SLC30A4: variants seen among roughly 807,000 people sequenced by gnomAD.
The protein encoded by SLC30A4 is solute carrier family 30 member 4.
SLC30A4 carries 20 observed loss-of-function variants against 41.7 expected under a neutral mutation model. The ratio of observed to expected loss-of-function variants is 0.48; its 90% CI spans 0.34 to 0.70. The LOEUF is 0.70. Ranked by LOEUF, SLC30A4 falls within the 30% of genes least tolerant of loss-of-function variation. SLC30A4 has a pLI of 0.01. For missense variants in SLC30A4, 441 were observed against 529.3 expected (o/e 0.83, Z 1.64); for synonymous variants, 181 against 195.9 (o/e 0.92, Z 0.64).
chr15:45,518,192 T>C (rs1892549068), intron 2 of SLC30A4, among the ~76,000 whole-genome samples: 1 of 152,212 alleles, frequency 6.6e-6, no homozygotes, highest in African/African-American at 2.4e-5. Flanking sequence ...CTCACTCTGT[T>C]TGGGTAACTC....
chr15:45,487,992 TG>T (rs1891741160), intron 5 of SLC30A4, among the ~76,000 whole-genome samples: 1 of 143,956 alleles, frequency 6.9e-6, no homozygotes, highest in Non-Finnish European at 1.5e-5. Context: ...TGTGTGTGTG[TG>T]TGTGTGTGTT....
rs1891579584 is a variant in SLC30A4, at chr15:45,479,857, A to G, written c.*5306T>C. 6.6e-6 allele frequency: 1 copy of G among 151,778 alleles called. No individual in the cohort carries two copies. The highest frequency in any genetic ancestry group is 2.1e-4 in the South Asian group (1 of 4,830). 9.4% of individuals were successfully genotyped at this position (151,778 alleles called of 1,614,324 possible). On this transcript the variant is annotated 3_prime_UTR_variant, in exon 8 of 8. Transcript: ENST00000261867. ...ATACAGCACATATATATATATATAT[A>G]TATACTTTGATCTTAATTAACATGG...
chr15:45,518,496 A>T (rs1448204511), intron 2 of SLC30A4, among the ~76,000 whole-genome samples: 3 of 152,218 alleles, frequency 2.0e-5, no homozygotes, highest in Non-Finnish European at 4.4e-5. Flanking sequence ...ATGGACCTTT[A>T]CGAAGGTCTC....
At chr15:45,514,793 G>T (rs1245193843) in intron 2 of SLC30A4, among the ~76,000 whole-genome samples, 1 of 152,076 alleles carries the variant, frequency 6.6e-6, no homozygotes, top group Admixed American at 6.5e-5. Flanking sequence ...AGGATTACAG[G>T]CATGAGCCAC....
At chr15:45,509,277 A>G (rs1303943849) in intron 3 of SLC30A4, among the ~76,000 whole-genome samples, 1 of 149,900 alleles carries the variant, frequency 6.7e-6, no homozygotes, top group Non-Finnish European at 1.5e-5. Flanking sequence ...GAGAGAGACA[A>G]GAGTCTTACT....
chr15:45,498,337 C>A (rs1015582426), intron 3 of SLC30A4, among the ~76,000 whole-genome samples: 2 of 152,228 alleles, frequency 1.3e-5, no homozygotes, highest in African/African-American at 2.4e-5. Flanking sequence ...ACACGTTGAG[C>A]ACCCCTAATG....
At chr15:45,493,475 C>CA (rs376766926) in intron 3 of SLC30A4, among the ~76,000 whole-genome samples, 1 of 152,078 alleles carries the variant, frequency 6.6e-6, no homozygotes, top group African/African-American at 2.4e-5. Flanking sequence ...AATTATAACA[C>CA]AAAAAAATTA....
At chr15:45,487,933 T>TGG (rs1458333476) in intron 5 of SLC30A4, among the ~76,000 whole-genome samples, 1 of 146,090 alleles carries the variant, frequency 6.8e-6, no homozygotes, top group Non-Finnish European at 1.5e-5. Flanking sequence ...TGTGTGTGTG[T>TGG]GTGTGTGTGT....
Position 45,485,147 on chromosome 15 carries a change from C to T in SLC30A4, c.*16G>A. On this transcript the variant is annotated 3_prime_UTR_variant, in exon 8 of 8. Transcript: ENST00000261867. ...CTGCAGGATAAATAAGGCAGGAGTTCCCAAAATACATAAAATTAGGGACTA... is the reference window on the plus strand; with the variant it reads ...CTGCAGGATAAATAAGGCAGGAGTTTCCAAAATACATAAAATTAGGGACTA... 4 of 1,605,010 alleles carry T rather than the reference C, an allele frequency of 2.5e-6. No individual in the cohort carries two copies. In the South Asian group the frequency reaches 4.5e-5, roughly 18 times the overall value.
intron 3 of SLC30A4, among the ~76,000 whole-genome samples, chr15:45,505,028 C>T (rs762447204): frequency 5.9e-5 from 9 of 151,886 alleles, no homozygotes; most frequent in Non-Finnish European, 1.3e-4. Context: ...GTCGGGAGTT[C>T]GAGACTAGCC....
intron 3 of SLC30A4, among the ~76,000 whole-genome samples, chr15:45,505,154 C>A (rs1892124031): frequency 6.6e-6 from 1 of 151,140 alleles, no homozygotes; most frequent in Non-Finnish European, 1.5e-5. Context: ...TCGCTTGAAT[C>A]CGGGAGGTGG....
chr15:45,495,399 G>C (rs941140335), intron 3 of SLC30A4, among the ~76,000 whole-genome samples: 1 of 152,178 alleles, frequency 6.6e-6, no homozygotes, highest in African/African-American at 2.4e-5. Flanking sequence ...TGGTTTGGAT[G>C]ATAAATTATA....
intron 3 of SLC30A4, among the ~76,000 whole-genome samples, chr15:45,504,383 A>C (rs1401460174): frequency 6.6e-6 from 1 of 152,240 alleles, no homozygotes; most frequent in Non-Finnish European, 1.5e-5. Context: ...TAAAAAAAAC[A>C]AAAAGTATAA....
At position 45,482,151 on chromosome 15, in the gene SLC30A4, T is replaced by A. The variant is rs1180211256; in HGVS notation, c.*3012A>T. ...GATTCTTTTTGGCTGGGCACAGTGG[T>A]TCATGCCCATAAGCCCAGCACTTTG... On this transcript the variant is annotated 3_prime_UTR_variant, in exon 8 of 8. Transcript: ENST00000261867. 2 of 151,246 alleles carry A rather than the reference T, an allele frequency of 1.3e-5. No individual in the cohort carries two copies. Among genetic ancestry groups the A allele is most frequent in the African/African-American group, 4.9e-5 (2 of 40,964 alleles). 9.4% of individuals were successfully genotyped at this position (151,246 alleles called of 1,614,324 possible).
chr15:45,506,132 T>C (rs960462181), intron 3 of SLC30A4, among the ~76,000 whole-genome samples: 3 of 152,088 alleles, frequency 2.0e-5, no homozygotes, highest in East Asian at 1.9e-4. Flanking sequence ...GGTGGGAGGA[T>C]TGCTTGAGCC....
chr15:45,501,900 A>T (rs1411789069), intron 3 of SLC30A4, among the ~76,000 whole-genome samples: 12 of 152,136 alleles, frequency 7.9e-5, no homozygotes, highest in African/African-American at 2.7e-4. Context: ...AAATAGCTAT[A>T]AAAGATGTGA....
At position 45,488,981 on chromosome 15, in the gene SLC30A4, T is replaced by C. The variant is rs752293050; in HGVS notation, c.754A>G (p.Asn252Asp). The change falls in exon 5 of 8, where the codon AAT (asparagine) becomes GAT (aspartate). Residue 252 changes from asparagine to aspartate, a missense_variant. Physicochemically the swap from Asn to Asp is conservative, Grantham distance 23. Around this residue, in one of 3 missense-constraint regions of SLC30A4, gnomAD observed 312 missense variants for 341.9 expected, o/e 0.91. Transcript: ENST00000261867. ...CACCCAGAACCTCTGGTAGGGGAAT[T>C]TGAAGGCAGGGAGTGGGAATGGGAG... ...RHSHSHSLPS[N>D]SPTRGSGCER... is the part of the protein sequence containing the mutation. 3.1e-6 allele frequency: 5 copies of C among 1,613,960 alleles called. No individual in the cohort carries two copies. The highest frequency in any genetic ancestry group is 2.2e-5 in the East Asian group (1 of 44,882).
chr15:45,499,555 A>G (rs1485322538), intron 3 of SLC30A4, among the ~76,000 whole-genome samples: 1 of 152,156 alleles, frequency 6.6e-6, no homozygotes, highest in Non-Finnish European at 1.5e-5. Context: ...GAAGGACAGA[A>G]GGATAGAAGG....
At chr15:45,507,755 T>C (rs1039585702) in intron 3 of SLC30A4, among the ~76,000 whole-genome samples, 8 of 152,216 alleles carry the variant, frequency 5.3e-5, no homozygotes, top group African/African-American at 1.7e-4. Flanking sequence ...CCCAAAGTGA[T>C]AGGATTACAG....
Sources: allele counts gnomAD v4.1 joint callset (sites outside exome capture counted in the v4.1 genomes callset), GRCh38; gene constraint gnomAD v4.1.1; regional missense constraint gnomAD v4.1.1; transcripts MANE v1.5; gene names NCBI Gene and HGNC (gene_info 2026-07-23, HGNC 2026-07-21).